Variants in NEK7 observed in about 807,000 individuals in gnomAD.
NEK7 encodes the protein NIMA related kinase 7.
In NEK7, 18 loss-of-function variants were observed where a neutral mutation model predicts 44.6. That is an observed-to-expected ratio of 0.40 (90% CI 0.28 to 0.60). NEK7 has a LOEUF of 0.60. NEK7 is among the 20% of genes least tolerant of loss of function. The pLI is 0.38. For missense variants in NEK7, 256 were observed against 366.5 expected, an observed-to-expected ratio of 0.70 and a Z score of 2.46; for synonymous variants, 130 against 121.1, an observed-to-expected ratio of 1.07 and a Z score of -0.48.
At chr1:198,312,096 A>G (rs1655205471) in intron 9 of NEK7, among the ~76,000 whole-genome samples, 1 of 152,162 alleles carries the variant, frequency 6.6e-6, no homozygotes, top group Admixed American at 6.5e-5. Context: ...TAAGCTATTG[A>G]TTATTGCCAC....
chr1:198,262,569 T>C lies in NEK7; in HGVS notation c.199-6T>C. On this transcript the variant is annotated splice_region_variant and splice_polypyrimidine_tract_variant and intron_variant, in intron 3 of 9. Coordinates refer to ENST00000367385, the MANE Select transcript of NEK7 (RefSeq NM_133494.3). ...TTTATTAAGTAATTCTGGGTTCTGTTTTTAGATATTTGATTTAATGGATGC... is the reference window on the plus strand; with the variant it reads ...TTTATTAAGTAATTCTGGGTTCTGTCTTTAGATATTTGATTTAATGGATGC... 6.4e-7 allele frequency: 1 copy of C among 1,569,704 alleles called. No homozygotes were observed. The highest frequency in any genetic ancestry group is 1.1e-5 in the South Asian group (1 of 88,350).
intron 1 of NEK7, among the ~76,000 whole-genome samples, chr1:198,226,723 G>A (rs1666238015): frequency 7.5e-6 from 1 of 132,602 alleles, no homozygotes; most frequent in African/African-American, 3.0e-5. Context: ...GGCTCAGAAG[G>A]AGTCCTTCTA....
chr1:198,299,130 C>T (rs1425531751), intron 9 of NEK7, among the ~76,000 whole-genome samples: 1 of 152,166 alleles, frequency 6.6e-6, no homozygotes, highest in Non-Finnish European at 1.5e-5. Flanking sequence ...AATGTGATTC[C>T]TCGTATTGGT....
chr1:198,283,308 C>G (rs1017955742), intron 7 of NEK7, among the ~76,000 whole-genome samples: 16 of 152,124 alleles, frequency 1.1e-4, no homozygotes, highest in Non-Finnish European at 1.9e-4. Context: ...AGTCTCCTAT[C>G]TTCAGGGTCT....
chr1:198,207,685 T>C (rs1266338341), intron 1 of NEK7, among the ~76,000 whole-genome samples: 1 of 152,088 alleles, frequency 6.6e-6, no homozygotes, highest in Admixed American at 6.5e-5. Context: ...TGGAGGAGGG[T>C]TTGACACTGA....
intron 2 of NEK7, among the ~76,000 whole-genome samples, chr1:198,246,082 T>C (rs748724923): frequency 3.0e-4 from 46 of 152,204 alleles, no homozygotes; most frequent in Non-Finnish European, 6.3e-4. Flanking sequence ...AATGTAATGC[T>C]ACCTACAGTG....
At chr1:198,238,774 A>G (rs1352275873) in intron 2 of NEK7, among the ~76,000 whole-genome samples, 4 of 152,238 alleles carry the variant, frequency 2.6e-5, no homozygotes, top group African/African-American at 9.6e-5. Context: ...ATTAGTTTTT[A>G]GCTTTCACAG....
rs115669600 is a variant in NEK7 at position 198,159,687 on chromosome 1, T to C, written c.-29+2411T>C. Among the ~76,000 whole-genome samples the C allele has an allele frequency of 8.7e-3, 1,332 of 152,340 alleles. 16 individuals carry two copies. The highest frequency in any genetic ancestry group is 0.03 in the African/African-American group (1,244 of 41,570). ...TAATACATGTAGCACCCACCATTGC[T>C]TTCCCCCTTTCATATTTTCCTGTCT... On this transcript the variant is annotated intron_variant, in intron 1 of 9. Transcript: ENST00000367385.
At chr1:198,289,467 T>C (rs1486881740) in intron 7 of NEK7, among the ~76,000 whole-genome samples, 2 of 152,138 alleles carry the variant, frequency 1.3e-5, no homozygotes, top group African/African-American at 4.8e-5. Flanking sequence ...CTCATCTTTC[T>C]CATTTTATCT....
intron 1 of NEK7, among the ~76,000 whole-genome samples, chr1:198,216,293 A>G (rs921458073): frequency 1.3e-5 from 2 of 152,208 alleles, no homozygotes; most frequent in Middle Eastern, 3.4e-3. Flanking sequence ...TCAAAACTGT[A>G]TAAATACATG....
At chr1:198,213,132 A>G (rs768708690) in intron 1 of NEK7, among the ~76,000 whole-genome samples, 1 of 152,188 alleles carries the variant, frequency 6.6e-6, no homozygotes, top group Non-Finnish European at 1.5e-5. Context: ...CACAGCACCA[A>G]TCTGGAGTGG....
intron 1 of NEK7, among the ~76,000 whole-genome samples, chr1:198,179,598 T>G (rs1469569990): frequency 6.6e-6 from 1 of 152,116 alleles, no homozygotes; most frequent in Non-Finnish European, 1.5e-5. Context: ...CAAGGGACTT[T>G]AGGACCTGAG....
chr1:198,265,810 G>C (rs1192568057), intron 5 of NEK7, among the ~76,000 whole-genome samples: 1 of 152,016 alleles, frequency 6.6e-6, no homozygotes, highest in Non-Finnish European at 1.5e-5. Flanking sequence ...TTGGATATAT[G>C]TACATACATT....
Position 198,284,722 on chromosome 1 carries a change from T to TA in NEK7, c.589+5663dup, listed in dbSNP as rs1654316459. ...GAACCAGAGGCAGCTTACTAAGAGA[T>TA]AAGTATCTTAATCATTGAATATTTA... On this transcript the variant is annotated intron_variant, in intron 7 of 9. Transcript: ENST00000367385. Among the ~76,000 whole-genome samples, 5 of 152,284 alleles carry TA rather than the reference T, an allele frequency of 3.3e-5. No homozygotes were observed. In the South Asian group the frequency reaches 1.0e-3, roughly 32 times the overall value.
At chr1:198,217,207 G>C (rs561345640) in intron 1 of NEK7, among the ~76,000 whole-genome samples, 4 of 151,960 alleles carry the variant, frequency 2.6e-5, no homozygotes, top group Non-Finnish European at 5.9e-5. Context: ...CCTCAACAGA[G>C]TGTTAGCAAA....
intron 1 of NEK7, among the ~76,000 whole-genome samples, chr1:198,174,148 A>C (rs907726547): frequency 6.6e-5 from 10 of 152,248 alleles, no homozygotes; most frequent in Non-Finnish European, 1.0e-4. Flanking sequence ...CAGTTCTGAG[A>C]TATAAAAATA....
chr1:198,210,241 A>C (rs1665722737), intron 1 of NEK7, among the ~76,000 whole-genome samples: 1 of 152,124 alleles, frequency 6.6e-6, no homozygotes. Context: ...TTATAGGCAC[A>C]TGCCACCATG....
Position 198,295,806 on chromosome 1 carries a change from CTATTATTAT to C in NEK7, c.685-1295_685-1287del, listed in dbSNP as rs35583566. Among the ~76,000 whole-genome samples the C allele has an allele frequency of 2.8e-3, 403 of 146,430 alleles. 2 individuals are homozygous for C. The highest frequency in any genetic ancestry group is 6.6e-3 in the African/African-American group (264 of 39,994). ...GTCCTTGCATTTAAAACAAAAACCA[CTATTATTAT>C]TATTATTATTATTATTATTATTATT... On this transcript the variant is annotated intron_variant, in intron 8 of 9. Transcript: ENST00000367385.
chr1:198,220,290 C>G (rs945208007), intron 1 of NEK7, among the ~76,000 whole-genome samples: 2 of 151,930 alleles, frequency 1.3e-5, no homozygotes, highest in African/African-American at 4.8e-5. Context: ...TTTGGCACAA[C>G]AAAATGTTTC....
Sources: gnomAD v4.1 joint callset for allele counts (sites outside exome capture counted in the v4.1 genomes callset) on GRCh38, gnomAD v4.1.1 for gene constraint, MANE v1.5 for transcripts, NCBI Gene and HGNC (gene_info 2026-07-23, HGNC 2026-07-21) for gene names.